DOK5: variants seen among roughly 807,000 people sequenced by gnomAD.
DOK5 encodes the protein docking protein 5.
DOK5 carries 27 observed loss-of-function variants against 43.3 expected under a neutral mutation model. That is an observed-to-expected ratio of 0.62 (90% CI 0.46 to 0.86). The LOEUF is 0.86. Ranked by LOEUF, DOK5 falls within the 40% of genes least tolerant of loss-of-function variation. The pLI, the probability that DOK5 is intolerant of heterozygous loss-of-function variation, is 0.00. For missense variants in DOK5, 373 were observed against 392.9 expected, an observed-to-expected ratio of 0.95 and a Z score of 0.43; for synonymous variants, 146 against 140.1, an observed-to-expected ratio of 1.04 and a Z score of -0.30.
intron 6 of DOK5, among the ~76,000 whole-genome samples, chr20:54,615,961 T>A (rs902777189): frequency 2.0e-5 from 3 of 152,012 alleles, no homozygotes; most frequent in Non-Finnish European, 2.9e-5. Flanking sequence ...CCAGCCCTGT[T>A]GATGCCTTGA....
At chr20:54,607,682 C>T (rs777961012) in intron 5 of DOK5, among the ~76,000 whole-genome samples, 32 of 151,516 alleles carry the variant, frequency 2.1e-4, no homozygotes, top group African/African-American at 7.0e-4. Flanking sequence ...GTCAGGAGTT[C>T]GAGACCAGCG....
At chr20:54,552,179 A>C (rs966688772) in intron 1 of DOK5, among the ~76,000 whole-genome samples, 1 of 152,222 alleles carries the variant, frequency 6.6e-6, no homozygotes, top group South Asian at 2.1e-4. Flanking sequence ...ACAAAACCCA[A>C]AATCTATTCT....
At chr20:54,585,133 G>T (rs1985762828) in intron 2 of DOK5, among the ~76,000 whole-genome samples, 1 of 143,130 alleles carries the variant, frequency 7.0e-6, no homozygotes, top group Non-Finnish European at 1.6e-5. Context: ...AGTGTAGATT[G>T]CAAGGCTTGT....
chr20:54,631,308 C>T (rs563081447), intron 6 of DOK5, among the ~76,000 whole-genome samples: 1 of 151,662 alleles, frequency 6.6e-6, no homozygotes, highest in South Asian at 2.1e-4. Flanking sequence ...AGCTACTTGT[C>T]GGGGGGCTGA....
intron 1 of DOK5, among the ~76,000 whole-genome samples, chr20:54,552,528 A>G (rs1984565221): frequency 6.6e-6 from 1 of 152,018 alleles, no homozygotes; most frequent in Non-Finnish European, 1.5e-5. Context: ...TATATTCTAT[A>G]TGTATCGTAA....
At chr20:54,482,585 C>CT (rs1231993600) in intron 1 of DOK5, among the ~76,000 whole-genome samples, 1 of 150,732 alleles carries the variant, frequency 6.6e-6, no homozygotes, top group African/African-American at 2.4e-5. Flanking sequence ...CAGCCTCCAT[C>CT]TCCTGGGTTC....
chr20:54,494,171 G>T (rs1982301327), intron 1 of DOK5, among the ~76,000 whole-genome samples: 1 of 152,116 alleles, frequency 6.6e-6, no homozygotes, highest in Non-Finnish European at 1.5e-5. Context: ...TTGAATGAAT[G>T]ATGAGTGAAT....
chr20:54,562,990 A>G (rs1357896380), intron 2 of DOK5, among the ~76,000 whole-genome samples: 1 of 152,200 alleles, frequency 6.6e-6, no homozygotes, highest in African/African-American at 2.4e-5. Flanking sequence ...CCCCAGTCCC[A>G]TAGCTGGTAC....
intron 1 of DOK5, among the ~76,000 whole-genome samples, chr20:54,526,272 A>G (rs184924848): frequency 1.3e-5 from 2 of 151,982 alleles, no homozygotes; most frequent in Admixed American, 6.6e-5. Context: ...TTTAAAGAGC[A>G]CTTTCAGTCT....
At chr20:54,649,447 TG>T (rs1979596633) in intron 7 of DOK5, among the ~76,000 whole-genome samples, 1 of 152,060 alleles carries the variant, frequency 6.6e-6, no homozygotes, top group East Asian at 1.9e-4. Flanking sequence ...AAAACAACAT[TG>T]TTTTGAATGT....
At chr20:54,481,149 T>C (rs1346495233) in intron 1 of DOK5, among the ~76,000 whole-genome samples, 1 of 151,424 alleles carries the variant, frequency 6.6e-6, no homozygotes, top group African/African-American at 2.4e-5. Context: ...TATCTATCTA[T>C]CTATCTATCT....
In DOK5 at chr20:54,475,937, G is replaced by T. The variant is rs1382652946; in HGVS notation, c.-10G>T. On this transcript the variant is annotated 5_prime_UTR_variant, in exon 1 of 8. Coordinates refer to ENST00000262593, the MANE Select transcript of DOK5 (RefSeq NM_018431.5). The surrounding 1 kb of genome is among the most constrained non-coding windows in gnomAD (Gnocchi z 4.2). ...CTCTTGGGTAAAGGGGGGGTCACCG[G>T]CTGTCTGGGATGGCTTCCAATTTTA... The T allele has an allele frequency of 1.2e-6, 2 of 1,612,996 alleles. No individual in the cohort carries two copies. The highest frequency in any genetic ancestry group is 1.7e-6 in the Non-Finnish European group (2 of 1,179,900).
chr20:54,532,796 G>C (rs10485786), intron 1 of DOK5, among the ~76,000 whole-genome samples: 1 of 152,190 alleles, frequency 6.6e-6, no homozygotes, highest in South Asian at 2.1e-4. Context: ...CCTGCGATCT[G>C]AGTGGCATTT....
chr20:54,616,093 A>G lies in DOK5; in HGVS notation c.735+5570A>G, dbSNP rs934627345. ...TTCGACAGCCATAGAAAACTAATAT[A>G]ATAATAATAACAAAACAAGAATGTG... On this transcript the variant is annotated intron_variant, in intron 6 of 7. Coordinates refer to ENST00000262593, the MANE Select transcript of DOK5 (RefSeq NM_018431.5). Among the ~76,000 whole-genome samples, 5 of 152,148 alleles carry G rather than the reference A, an allele frequency of 3.3e-5. No individual in the cohort carries two copies. In the East Asian group the frequency reaches 7.7e-4, roughly 23 times the overall value.
chr20:54,643,962 A>C (rs1979251014), intron 7 of DOK5, among the ~76,000 whole-genome samples: 1 of 152,164 alleles, frequency 6.6e-6, no homozygotes, highest in Non-Finnish European at 1.5e-5. Flanking sequence ...CTGATGAATC[A>C]CAGCATCAGC....
chr20:54,641,758 G>C (rs139045309), intron 6 of DOK5, among the ~76,000 whole-genome samples: 1 of 152,084 alleles, frequency 6.6e-6, no homozygotes, highest in Admixed American at 6.5e-5. Flanking sequence ...TTCGTGGTAC[G>C]ACATATAAAT....
intron 5 of DOK5, among the ~76,000 whole-genome samples, chr20:54,594,989 T>C (rs1313720276): frequency 6.6e-6 from 1 of 152,168 alleles, no homozygotes; most frequent in Non-Finnish European, 1.5e-5. Context: ...TTTGAGTCTC[T>C]GTGTGTGTAT....
chr20:54,575,909 G>T (rs1161232783), intron 2 of DOK5, among the ~76,000 whole-genome samples: 2 of 152,300 alleles, frequency 1.3e-5, no homozygotes, highest in Admixed American at 6.5e-5. Context: ...CTTAATAATT[G>T]TTCATCCTAA....
At chr20:54,494,310 G>T (rs916771423) in intron 1 of DOK5, among the ~76,000 whole-genome samples, 3 of 152,218 alleles carry the variant, frequency 2.0e-5, no homozygotes, top group African/African-American at 7.2e-5. Context: ...GGATACCTTA[G>T]CAAGACTCAT....
Sources: gnomAD v4.1 joint callset for allele counts (sites outside exome capture counted in the v4.1 genomes callset) on GRCh38, gnomAD v4.1.1 for gene constraint, Gnocchi (gnomAD v3.1) non-coding constraint, MANE v1.5 for transcripts, NCBI Gene and HGNC (gene_info 2026-07-23, HGNC 2026-07-21) for gene names.